Variants in C8A observed in about 807,000 individuals in gnomAD.
C8A encodes the protein complement C8 alpha chain.
In C8A, 67 loss-of-function variants were observed where a neutral mutation model predicts 65.3. The ratio of observed to expected loss-of-function variants is 1.03; its 90% CI spans 0.84 to 1.26. The LOEUF (loss-of-function observed/expected upper bound fraction) is 1.26. Ranked by LOEUF, C8A falls within the 50% of genes most tolerant of loss-of-function variation. The pLI is 0.00. For missense variants in C8A, 781 were observed against 723.9 expected, an observed-to-expected ratio of 1.08 and a Z score of -0.90; for synonymous variants, 290 against 259.4, an observed-to-expected ratio of 1.12 and a Z score of -1.13.
chr1:56,910,090 A>G (rs149298094), intron 9 of C8A, among the ~76,000 whole-genome samples: 67 of 152,316 alleles, frequency 4.4e-4, no homozygotes, highest in African/African-American at 1.4e-3. Context: ...GAGATTACAG[A>G]CAAGGGGACC....
At position 56,917,473 on chromosome 1, in the gene C8A, G is replaced by A. The variant is rs1437014168; in HGVS notation, c.1604-92G>A. On this transcript the variant is annotated intron_variant, in intron 10 of 10. Transcript: ENST00000361249. Reference sequence around the variant, plus strand: ...GGGGAGGCCAGTTCCTCTCCCAAGGGTGCCACACACCCCTCCCTGTTCATC... The same window carrying A: ...GGGGAGGCCAGTTCCTCTCCCAAGGATGCCACACACCCCTCCCTGTTCATC... 4 of 1,361,952 alleles carry A rather than the reference G, an allele frequency of 2.9e-6. No individual in the cohort carries two copies. In the Admixed American group the frequency reaches 5.2e-5, roughly 18 times the overall value. 84.4% of individuals were successfully genotyped at this position (1,361,952 alleles called of 1,614,324 possible).
chr1:56,858,623 C>G (rs1461734655), intron 1 of C8A, among the ~76,000 whole-genome samples: 1 of 152,186 alleles, frequency 6.6e-6, no homozygotes, highest in Non-Finnish European at 1.5e-5. Context: ...TTTACCAAAG[C>G]ATCTTGGGCC....
At chr1:56,869,517 T>C (rs867943950) in intron 2 of C8A, among the ~76,000 whole-genome samples, 4 of 152,188 alleles carry the variant, frequency 2.6e-5, no homozygotes, top group Admixed American at 1.3e-4. Flanking sequence ...GACCTTTTTT[T>C]CCGCTTAGGT....
chr1:56,867,570 G>A, intron 1 of C8A, 39 bp from the exon 2 acceptor site: 1 of 1,454,230 alleles, frequency 6.9e-7, no homozygotes, highest in Non-Finnish European at 9.7e-7. Context: ...CTTAAATTTT[G>A]CATCTCAAAA....
At position 56,875,198 on chromosome 1, in the gene C8A, C is replaced by T. The variant is rs1396359069; in HGVS notation, c.316+105C>T. The T allele has an allele frequency of 7.9e-5, 106 of 1,343,756 alleles. 1 individual carries two copies. The South Asian group carries it at 9.8e-4, about 12-fold the overall frequency. 83.2% of individuals were successfully genotyped at this position (1,343,756 alleles called of 1,614,324 possible). On this transcript the variant is annotated intron_variant, in intron 3 of 10. Transcript: ENST00000361249. ...ATGCATACTCCTGAGCCCTTCCTCTCGAGGTTGCCATTCTCTAGGTTTGGG... is the reference window on the plus strand; with the variant it reads ...ATGCATACTCCTGAGCCCTTCCTCTTGAGGTTGCCATTCTCTAGGTTTGGG...
chr1:56,896,104 A>G (rs1019598471), intron 7 of C8A, among the ~76,000 whole-genome samples: 1 of 152,226 alleles, frequency 6.6e-6, no homozygotes, highest in Admixed American at 6.5e-5. Flanking sequence ...TACTTTAAAT[A>G]AAGGAAAAAT....
chr1:56,861,763 T>TGTAAC (rs1557695821), intron 1 of C8A, among the ~76,000 whole-genome samples: 1 of 152,202 alleles, frequency 6.6e-6, no homozygotes, highest in East Asian at 1.9e-4. Context: ...GGAATCTCCA[T>TGTAAC]GTAACTGGAT....
chr1:56,877,829 T>C (rs1644212473), intron 4 of C8A, among the ~76,000 whole-genome samples: 1 of 152,140 alleles, frequency 6.6e-6, no homozygotes, highest in South Asian at 2.1e-4. Context: ...CCCTCATTCA[T>C]TATGGTTAAT....
rs746314925 is a variant in C8A, at chr1:56,883,554, A to G, written c.728A>G (p.Asp243Gly). 17 of 1,613,982 alleles carry G rather than the reference A, an allele frequency of 1.1e-5. No homozygotes were observed. In the Admixed American group the frequency reaches 2.8e-4, roughly 27 times the overall value. ...GACCTTCTTTCCAAAGTTAAAAAAG[A>G]CAAGTCTGACTCATTTGGAGTGACC... ...ANDLLSKVKK[D>G]KSDSFGVTIG... The change falls in exon 6 of 11, where the codon GAC becomes GGC. Residue 243 changes from aspartate (D) to glycine (G), a missense_variant. Physicochemically the swap from Asp to Gly is moderately conservative, Grantham distance 94. Coordinates refer to ENST00000361249, the MANE Select transcript of C8A (RefSeq NM_000562.3).
At chr1:56,866,240 C>T (rs1276393807) in intron 1 of C8A, among the ~76,000 whole-genome samples, 1 of 152,170 alleles carries the variant, frequency 6.6e-6, no homozygotes, top group Non-Finnish European at 1.5e-5. Context: ...CTATTTTCTA[C>T]TAAACCAGAC....
intron 9 of C8A, among the ~76,000 whole-genome samples, chr1:56,911,294 C>T (rs1644504077): frequency 6.6e-6 from 1 of 152,084 alleles, no homozygotes; most frequent in Non-Finnish European, 1.5e-5. Context: ...TTAGTTTTAC[C>T]ATGTGACAGG....
In C8A at chr1:56,912,443, G is replaced by T. The variant is rs1462855701; in HGVS notation, c.1421G>T (p.Gly474Val). The T allele has an allele frequency of 6.2e-7, 1 of 1,614,080 alleles. No individual in the cohort carries two copies. The highest frequency in any genetic ancestry group is 1.3e-5 in the African/African-American group (1 of 74,926). Residue 474 changes from glycine to valine, a missense_variant, in exon 10 of 11, where the codon GGG (glycine) becomes GTG (valine). By Grantham distance (109) the Gly-to-Val change is moderately radical (BLOSUM62 -3). Transcript: ENST00000361249. The part of the protein sequence containing the change: ...IHEVLRHTSL[G>V]PLEAKRQNLR... Reference sequence around the variant, plus strand: ...GAGGTGCTGCGGCACACAAGCCTGGGGCCTCTGGAGGCCAAGCGCCAGAAC... The same window carrying T: ...GAGGTGCTGCGGCACACAAGCCTGGTGCCTCTGGAGGCCAAGCGCCAGAAC...
chr1:56,861,151 C>T (rs1644029768), intron 1 of C8A, among the ~76,000 whole-genome samples: 2 of 152,070 alleles, frequency 1.3e-5, no homozygotes, highest in South Asian at 4.1e-4. Context: ...TTATTGAGCA[C>T]CTATTATATG....
chr1:56,862,897 GC>G, intron 1 of C8A, among the ~76,000 whole-genome samples: 1 of 152,238 alleles, frequency 6.6e-6, no homozygotes, highest in Non-Finnish European at 1.5e-5. Context: ...GGCAATATGT[GC>G]CATAAGCTCT....
intron 2 of C8A, among the ~76,000 whole-genome samples, chr1:56,873,632 T>C (rs925370026): frequency 6.6e-6 from 1 of 152,178 alleles, no homozygotes; most frequent in Non-Finnish European, 1.5e-5. Flanking sequence ...AAGAAATTGA[T>C]TGAGGTAGGA....
At chr1:56,881,673 T>C (rs1408813651) in intron 5 of C8A, 39 bp downstream of exon 5, 15 of 1,579,284 alleles carry the variant, frequency 9.5e-6, no homozygotes, top group Non-Finnish European at 1.3e-5. Context: ...CACTGTGGTG[T>C]AGGTGGCAGA....
intron 3 of C8A, 115 bp from the exon 4 acceptor site, chr1:56,875,947 A>G (rs1344040545): frequency 3.6e-6 from 5 of 1,397,558 alleles, no homozygotes; most frequent in Non-Finnish European, 4.9e-6. Flanking sequence ...GAGAACAGAA[A>G]GAGAATGGGA....
intron 5 of C8A, among the ~76,000 whole-genome samples, chr1:56,882,174 G>A (rs1226415005): frequency 2.0e-5 from 3 of 152,134 alleles, no homozygotes; most frequent in Non-Finnish European, 4.4e-5. Context: ...CGATCACTAA[G>A]ACTCTCTCCA....
chr1:56,894,191 A>C (rs990683322), intron 7 of C8A, among the ~76,000 whole-genome samples: 1 of 152,114 alleles, frequency 6.6e-6, no homozygotes, highest in Non-Finnish European at 1.5e-5. Flanking sequence ...CCCAGCTCTG[A>C]AACATTGCTC....
Sources: allele counts gnomAD v4.1 joint callset (sites outside exome capture counted in the v4.1 genomes callset), GRCh38; gene constraint gnomAD v4.1.1; transcripts MANE v1.5; gene names NCBI Gene and HGNC (gene_info 2026-07-23, HGNC 2026-07-21).